ZNF385D: variants seen among roughly 807,000 people sequenced by gnomAD.
The protein encoded by ZNF385D is zinc finger protein 385D.
In ZNF385D, 15 loss-of-function variants were observed where a neutral mutation model predicts 35.8. The observed-to-expected ratio is 0.42, with a 90% CI of 0.28 to 0.64. The LOEUF (loss-of-function observed/expected upper bound fraction) is 0.64, where lower values mean the gene tolerates loss of function less well. Among genes scored for constraint, ZNF385D ranks in the 30% least tolerant of loss-of-function variants. The pLI is 0.23. For missense variants in ZNF385D, 474 were observed against 494.6 expected (o/e 0.96, Z 0.39); for synonymous variants, 212 against 186.8 (o/e 1.13, Z -1.10).
At chr3:21,621,125 G>A (rs2064994345) in intron 2 of ZNF385D, among the ~76,000 whole-genome samples, 1 of 152,232 alleles carries the variant, frequency 6.6e-6, no homozygotes, top group African/African-American at 2.4e-5. Context: ...GGCTGCAAAA[G>A]CACAACTTTT....
intron 3 of ZNF385D, among the ~76,000 whole-genome samples, chr3:21,952,475 A>C (rs1702109614): frequency 6.6e-6 from 1 of 151,504 alleles, no homozygotes; most frequent in Non-Finnish European, 1.5e-5. Flanking sequence ...TTAAAATGTG[A>C]AAAAAAATGG....
chr3:21,980,105 T>C (rs1694343129), intron 3 of ZNF385D, among the ~76,000 whole-genome samples: 1 of 152,130 alleles, frequency 6.6e-6, no homozygotes, highest in Non-Finnish European at 1.5e-5. Context: ...AGCTATATTG[T>C]GGGGTTATTA....
chr3:21,715,841 G>A (rs35608574), intron 1 of ZNF385D, among the ~76,000 whole-genome samples: 26,070 of 151,842 alleles, frequency 0.17, 2,707 homozygotes, highest in Admixed American at 0.3. Flanking sequence ...CCTAGACTTC[G>A]GACTCCATAT....
At chr3:21,483,514 C>T (rs115719743) in intron 4 of ZNF385D, among the ~76,000 whole-genome samples, 1 of 152,216 alleles carries the variant, frequency 6.6e-6, no homozygotes, top group East Asian at 1.9e-4. Context: ...CAAGAAAATG[C>T]CAAATTCTTT....
chr3:22,235,224 A>T (rs185718389), intron 2 of ZNF385D, among the ~76,000 whole-genome samples: 1 of 152,224 alleles, frequency 6.6e-6, no homozygotes, highest in African/African-American at 2.4e-5. Context: ...ACATACTTTC[A>T]ATATCCATGA....
At chr3:21,542,908 C>G (rs1356024955) in intron 3 of ZNF385D, 1 of 152,704 alleles carries the variant, frequency 6.5e-6, no homozygotes, top group African/African-American at 2.4e-5. Context: ...TTTTCCTGGC[C>G]TTGGGACGGA....
Position 21,664,934 on chromosome 3 carries a change from A to G in ZNF385D, c.117T>C (p.Phe39=). The change falls in exon 2 of 8, where the codon TTT becomes TTC. Residue 39 remains phenylalanine (F), a synonymous_variant. Coordinates refer to ENST00000281523, the MANE Select transcript of ZNF385D (RefSeq NM_024697.3). ...TGACTGCAGCTGCAGTGTCAAGAGG[A>G]AAGGGAAGAAATGGTTTAATATCCA... is the stretch of plus-strand genomic sequence containing the variant. ...PSLDIKPFLP[F]PLDTAAAVNL... is the part of the protein sequence containing the mutation. 1 of 1,613,752 alleles carries G rather than the reference A, an allele frequency of 6.2e-7. No individual in the cohort carries two copies. Among genetic ancestry groups the G allele is most frequent in the Non-Finnish European group, 8.5e-7 (1 of 1,179,758 alleles).
intron 3 of ZNF385D, among the ~76,000 whole-genome samples, chr3:21,834,988 G>T (rs111430876): frequency 0.03 from 4,501 of 152,144 alleles, 85 homozygotes; most frequent in Middle Eastern, 0.054. Flanking sequence ...GTCTCAGGTA[G>T]TTCTTTATAA....
chr3:21,739,031 T>C (rs774663982), intron 1 of ZNF385D, among the ~76,000 whole-genome samples: 5 of 152,194 alleles, frequency 3.3e-5, no homozygotes, highest in African/African-American at 4.8e-5. Context: ...CAACTAATCA[T>C]CACATATCTA....
intron 3 of ZNF385D, among the ~76,000 whole-genome samples, chr3:21,520,930 A>G (rs1707865324): frequency 6.6e-6 from 1 of 152,222 alleles, no homozygotes; most frequent in African/African-American, 2.4e-5. Flanking sequence ...CATCATTAAC[A>G]CATTTCCTCC....
At chr3:21,570,936 AAC>A (rs1214971587) in intron 2 of ZNF385D, among the ~76,000 whole-genome samples, 1 of 152,206 alleles carries the variant, frequency 6.6e-6, no homozygotes, top group Non-Finnish European at 1.5e-5. Context: ...TACGTTAAAA[AAC>A]ACTAAAAATT....
chr3:21,917,226 G>A (rs773232263), intron 3 of ZNF385D, among the ~76,000 whole-genome samples: 2 of 152,136 alleles, frequency 1.3e-5, no homozygotes, highest in African/African-American at 4.8e-5. Context: ...GAGGTCAGGA[G>A]TTTGAGGCCA....
At chr3:22,203,403 C>T (rs1373751967) in intron 2 of ZNF385D, among the ~76,000 whole-genome samples, 1 of 152,120 alleles carries the variant, frequency 6.6e-6, no homozygotes, top group Non-Finnish European at 1.5e-5. Flanking sequence ...AGCTAGTACA[C>T]ACAGTGGGCT....
chr3:22,069,188 G>C (rs1422376935), intron 3 of ZNF385D, among the ~76,000 whole-genome samples: 1 of 152,122 alleles, frequency 6.6e-6, no homozygotes, highest in African/African-American at 2.4e-5. Context: ...GTTAGTACTG[G>C]CTACTCCCAG....
chr3:22,005,657 A>G (rs1008579271), intron 3 of ZNF385D, among the ~76,000 whole-genome samples: 3 of 152,106 alleles, frequency 2.0e-5, no homozygotes, highest in African/African-American at 7.2e-5. Context: ...TTCACACCTC[A>G]TTATATTCTC....
intron 2 of ZNF385D, among the ~76,000 whole-genome samples, chr3:22,368,569 G>A (rs1194366684): frequency 2.6e-5 from 4 of 152,162 alleles, no homozygotes; most frequent in Non-Finnish European, 5.9e-5. Flanking sequence ...GTGAAGACCA[G>A]GATCTTGGTG....
At position 21,588,588 on chromosome 3, in the gene ZNF385D, T is replaced by C. The variant is rs972641039; in HGVS notation, c.166-23904A>G. Among the ~76,000 whole-genome samples, 24 of 152,236 alleles carry C rather than the reference T, an allele frequency of 1.6e-4. 1 individual carries two copies. Among genetic ancestry groups the C allele is most frequent in the Admixed American group, 1.1e-3 (17 of 15,280 alleles). On this transcript the variant is annotated intron_variant, in intron 2 of 7. Transcript: ENST00000281523. Reference sequence around the variant, plus strand: ...AAGAAAAAACTAAGACGTACATTTATGGATAGAAACATTAAAAATAATTTT... The same window carrying C: ...AAGAAAAAACTAAGACGTACATTTACGGATAGAAACATTAAAAATAATTTT...
chr3:21,922,258 C>A (rs1700504950), intron 3 of ZNF385D, among the ~76,000 whole-genome samples: 2 of 144,620 alleles, frequency 1.4e-5, no homozygotes, highest in African/African-American at 4.9e-5. Context: ...GCTACCAACA[C>A]CATTTTTCAC....
At chr3:21,865,824 T>G (rs1042443536) in intron 3 of ZNF385D, among the ~76,000 whole-genome samples, 4 of 152,144 alleles carry the variant, frequency 2.6e-5, no homozygotes, top group Admixed American at 6.6e-5. Context: ...TACTCTTTAC[T>G]ACTTCAATAC....
Sources: gnomAD v4.1 joint callset for allele counts (sites outside exome capture counted in the v4.1 genomes callset) on GRCh38, gnomAD v4.1.1 for gene constraint, MANE v1.5 for transcripts, NCBI Gene and HGNC (gene_info 2026-07-23, HGNC 2026-07-21) for gene names.